Variants in RPS6KA2 observed in about 807,000 individuals in gnomAD.
The protein encoded by RPS6KA2 is ribosomal protein S6 kinase A2, also known as ribosomal protein S6 kinase alpha-2.
A neutral mutation model predicts 91.8 loss-of-function variants in RPS6KA2; 42 were observed. That is an observed-to-expected ratio of 0.46 (90% CI 0.36 to 0.59). RPS6KA2 has a LOEUF of 0.59. Among genes scored for constraint, RPS6KA2 ranks in the 20% least tolerant of loss-of-function variants. The probability of loss-of-function intolerance (pLI) is 0.00; values close to 1 mark genes in which losing one functional copy is unlikely to be tolerated. For missense variants in RPS6KA2, 798 were observed against 978.5 expected, an observed-to-expected ratio of 0.82 and a Z score of 2.46; for synonymous variants, 414 against 393.6, an observed-to-expected ratio of 1.05 and a Z score of -0.61.
intron 14 of RPS6KA2, among the ~76,000 whole-genome samples, chr6:166,446,457 G>T (rs940864630): frequency 2.0e-5 from 3 of 152,188 alleles, no homozygotes; most frequent in Admixed American, 1.3e-4. Context: ...GGAACTTCAG[G>T]GTTTGTGAAA....
At chr6:166,604,527 G>A (rs909879741) in intron 1 of RPS6KA2, among the ~76,000 whole-genome samples, 3 of 152,206 alleles carry the variant, frequency 2.0e-5, no homozygotes, top group South Asian at 2.1e-4. Flanking sequence ...GGAGCTTCCC[G>A]GGCGGGGCCA....
At chr6:166,444,720 G>C (rs1779624772) in intron 14 of RPS6KA2, among the ~76,000 whole-genome samples, 1 of 152,242 alleles carries the variant, frequency 6.6e-6, no homozygotes, top group Non-Finnish European at 1.5e-5. Flanking sequence ...GTTTGCCGAA[G>C]TCGAGAGGGA....
intron 2 of RPS6KA2, among the ~76,000 whole-genome samples, chr6:166,769,384 G>A (rs982283195): frequency 2.0e-5 from 3 of 152,166 alleles, no homozygotes; most frequent in African/African-American, 7.2e-5. Context: ...GGAACAGACT[G>A]ACAAGAGATT....
At chr6:166,634,126 G>A (rs930937989) in intron 2 of RPS6KA2, among the ~76,000 whole-genome samples, 7 of 152,202 alleles carry the variant, frequency 4.6e-5, no homozygotes, top group Non-Finnish European at 7.3e-5. Flanking sequence ...AGCCAAGGAC[G>A]ACAGGGACAC....
At chr6:166,608,479 C>T (rs1326213689) in intron 1 of RPS6KA2, among the ~76,000 whole-genome samples, 1 of 152,096 alleles carries the variant, frequency 6.6e-6, no homozygotes. Context: ...AAAAAAAATT[C>T]CCCTTTAAGA....
At chr6:166,661,322 A>C (rs1020732999) in intron 2 of RPS6KA2, among the ~76,000 whole-genome samples, 2 of 151,980 alleles carry the variant, frequency 1.3e-5, no homozygotes, top group African/African-American at 4.8e-5. Context: ...CTGGTCTCAA[A>C]CTCCTAAACT....
chr6:166,790,950 A>G (rs932946992), intron 2 of RPS6KA2, among the ~76,000 whole-genome samples: 36 of 152,234 alleles, frequency 2.4e-4, no homozygotes, highest in Admixed American at 3.9e-4. Flanking sequence ...AAGAAACTAC[A>G]TCAACTAACG....
At chr6:166,424,105 C>T (rs945679727) in intron 16 of RPS6KA2, 5 of 152,266 alleles carry the variant, frequency 3.3e-5, no homozygotes, top group African/African-American at 9.7e-5. Flanking sequence ...GGATCCTGAA[C>T]ATCTCAATTG....
chr6:166,624,025 A>T (rs1021199253), intron 1 of RPS6KA2, among the ~76,000 whole-genome samples: 2 of 152,224 alleles, frequency 1.3e-5, no homozygotes, highest in African/African-American at 4.8e-5. Context: ...AAGTTTTGCC[A>T]AGCATAAATG....
intron 14 of RPS6KA2, among the ~76,000 whole-genome samples, chr6:166,443,706 A>C (rs900922122): frequency 3.2e-4 from 49 of 152,302 alleles, no homozygotes; most frequent in African/African-American, 1.2e-3. Context: ...CTCAACTGCA[A>C]ATGGCGCCAC....
chr6:166,694,387 C>T (rs530262191), intron 2 of RPS6KA2, among the ~76,000 whole-genome samples: 1 of 152,222 alleles, frequency 6.6e-6, no homozygotes. Context: ...TTCTGTTCAC[C>T]CATCTCTCCA....
intron 2 of RPS6KA2, among the ~76,000 whole-genome samples, chr6:166,744,493 AC>A (rs927058426): frequency 2.0e-5 from 3 of 152,180 alleles, no homozygotes; most frequent in African/African-American, 7.2e-5. Context: ...CTCTATGGCG[AC>A]AGACTTAAGA....
chr6:166,778,202 A>T (rs1181647286), intron 2 of RPS6KA2, among the ~76,000 whole-genome samples: 2 of 152,244 alleles, frequency 1.3e-5, no homozygotes, highest in Non-Finnish European at 2.9e-5. Flanking sequence ...CAGAGCCTGG[A>T]GACCTGCCTG....
intron 2 of RPS6KA2, among the ~76,000 whole-genome samples, chr6:166,750,316 G>A (rs1030382207): frequency 2.0e-5 from 3 of 152,112 alleles, no homozygotes; most frequent in Non-Finnish European, 4.4e-5. Flanking sequence ...CAACCCTAGA[G>A]GTCCCTGGGA....
chr6:166,650,514 G>A (rs943916368), intron 2 of RPS6KA2, among the ~76,000 whole-genome samples: 7 of 152,118 alleles, frequency 4.6e-5, no homozygotes, highest in Non-Finnish European at 8.8e-5. Context: ...AGGAGAGAAG[G>A]AGGAGGGGTC....
At chr6:166,452,267 G>C (rs967800386) in intron 12 of RPS6KA2, among the ~76,000 whole-genome samples, 1 of 151,942 alleles carries the variant, frequency 6.6e-6, no homozygotes, top group Non-Finnish European at 1.5e-5. Flanking sequence ...TAAAAATTTT[G>C]AAAGTAATTC....
In RPS6KA2 at chr6:166,803,262, C is replaced by G. The variant is rs567620574; in HGVS notation, c.123+54938G>C. Among the ~76,000 whole-genome samples, 6 of 152,252 alleles carry G rather than the reference C, an allele frequency of 3.9e-5. No homozygotes were observed. In the South Asian group the frequency reaches 1.2e-3, roughly 32 times the overall value. On this transcript the variant is annotated intron_variant, in intron 2 of 21. Coordinates refer to the RPS6KA2 transcript ENST00000503859. ...TTTTTAGAAGTTTGCTCTTTGTTAC[C>G]TGAACAGGTTTGTAATTGCATCAAA...
At chr6:166,586,457 A>T in intron 1 of RPS6KA2, 1 of 1,598,986 alleles carries the variant, frequency 6.3e-7, no homozygotes, top group South Asian at 1.1e-5. Flanking sequence ...AATTTGGAAC[A>T]GCTTCGGCAG....
chr6:166,499,700 T>A (rs1446989772), intron 7 of RPS6KA2, among the ~76,000 whole-genome samples: 1 of 152,226 alleles, frequency 6.6e-6, no homozygotes, highest in Non-Finnish European at 1.5e-5. Flanking sequence ...GGTGAGTCCA[T>A]TAAACCTCTT....
Sources: allele counts gnomAD v4.1 joint callset (sites outside exome capture counted in the v4.1 genomes callset), GRCh38; gene constraint gnomAD v4.1.1; transcripts MANE v1.5; gene names NCBI Gene and HGNC (gene_info 2026-07-23, HGNC 2026-07-21).